Variants in FMNL2 observed in about 807,000 individuals in gnomAD.
The protein encoded by FMNL2 is formin-like protein 2.
FMNL2 carries 51 observed loss-of-function variants against 130.2 expected under a neutral mutation model. That is an observed-to-expected ratio of 0.39 (90% confidence interval 0.31 to 0.49). FMNL2 has a LOEUF of 0.49. Ranked by LOEUF, FMNL2 falls within the 20% of genes least tolerant of loss-of-function variation. FMNL2 has a pLI of 0.85. For synonymous variants in FMNL2, 465 were observed against 467.1 expected, an observed-to-expected ratio of 1.00 and a Z score of 0.06; for missense variants, 977 against 1,316.2, an observed-to-expected ratio of 0.74 and a Z score of 3.99.
chr2:152,564,367 AT>A (rs1320249502), intron 6 of FMNL2, among the ~76,000 whole-genome samples: 7 of 152,172 alleles, frequency 4.6e-5, no homozygotes, highest in Non-Finnish European at 8.8e-5. Context: ...AAGAAAAAAA[AT>A]GAGATTTCAG....
chr2:152,412,300 T>C (rs997395483), intron 1 of FMNL2, among the ~76,000 whole-genome samples: 12 of 151,766 alleles, frequency 7.9e-5, no homozygotes, highest in African/African-American at 2.7e-4. Context: ...AGATAGACTT[T>C]TTCCCTAGGG....
Position 152,580,975 on chromosome 2 carries a change from G to T in FMNL2, c.802G>T (p.Glu268Ter). 6.2e-7 allele frequency: 1 copy of T among 1,613,774 alleles called. No homozygotes were observed. Among genetic ancestry groups the T allele is most frequent in the Non-Finnish European group, 8.5e-7 (1 of 1,179,824 alleles). The change falls in exon 9 of 26, where the codon GAA (glutamate) becomes TAA (stop). Residue 268 changes from glutamate to a stop codon, truncating the protein, a stop_gained. Coordinates refer to ENST00000288670, the MANE Select transcript of FMNL2 (RefSeq NM_052905.4). LOFTEE classifies it high-confidence loss of function. ...TGGCAGAACAAAAGCCCTTGTCTTA[G>T]AACTGTTGGCAGCCGTTTGTCTTGT... is the stretch of plus-strand genomic sequence containing the variant. ...KNPRTKALVL[E>*]LLAAVCLVRG...
chr2:152,616,326 G>GTT (rs1559011668), intron 12 of FMNL2, among the ~76,000 whole-genome samples: 15 of 122,062 alleles, frequency 1.2e-4, no homozygotes, highest in Non-Finnish European at 1.7e-4. Context: ...TATTTTTGTG[G>GTT]GTTTTTTTTT....
In FMNL2 at chr2:152,486,096, AT is replaced by A. The variant is rs1328762485; in HGVS notation, c.118-35846del. Among the ~76,000 whole-genome samples, 4 of 152,212 alleles carry A rather than the reference AT, an allele frequency of 2.6e-5. No individual in the cohort carries two copies. The East Asian group carries it at 7.7e-4, about 29-fold the overall frequency. On this transcript the variant is annotated intron_variant, in intron 1 of 25. Transcript: ENST00000288670. ...ATAGCAACGGATCATGCTAGTCCCC[AT>A]GGTTACTGGGAACTGAGCTCAAGTG...
rs529195154 is a variant in FMNL2 at position 152,343,965 on chromosome 2, G to A, written c.117+8245G>A. On this transcript the variant is annotated intron_variant, in intron 1 of 25. Coordinates refer to ENST00000288670, the MANE Select transcript of FMNL2 (RefSeq NM_052905.4). ...GCCAGGAGTCCTAGACCAGTGTGGA[G>A]CAACATAGGGAGACCTCATTTCTAC... is the stretch of plus-strand genomic sequence containing the variant. Among the ~76,000 whole-genome samples the A allele has an allele frequency of 3.9e-5, 6 of 152,148 alleles. No homozygotes were observed. In the South Asian group the frequency reaches 1.2e-3, roughly 32 times the overall value.
intron 11 of FMNL2, 111 bp from the exon 12 acceptor site, chr2:152,614,740 C>CACAAAACAAA (rs1464132971): frequency 8.3e-6 from 6 of 723,904 alleles, no homozygotes; most frequent in African/African-American, 7.8e-5. Flanking sequence ...GAAACTCCAT[C>CACAAAACAAA]TCAAAACAAA....
intron 1 of FMNL2, among the ~76,000 whole-genome samples, chr2:152,343,546 T>C (rs1261222068): frequency 1.5e-5 from 2 of 136,596 alleles, no homozygotes; most frequent in Non-Finnish European, 1.6e-5. Flanking sequence ...TCCACCAGTC[T>C]TGACATCTCA....
intron 1 of FMNL2, among the ~76,000 whole-genome samples, chr2:152,417,700 A>G (rs1319092537): frequency 6.6e-6 from 1 of 152,132 alleles, no homozygotes; most frequent in Non-Finnish European, 1.5e-5. Context: ...CTCCTCTGAC[A>G]TGTAACTCAC....
chr2:152,645,196 C>CA (rs1683445367), intron 25 of FMNL2, among the ~76,000 whole-genome samples: 1 of 152,164 alleles, frequency 6.6e-6, no homozygotes, highest in Non-Finnish European at 1.5e-5. Flanking sequence ...TGGACTATAT[C>CA]TATCTTTCTG....
intron 1 of FMNL2, among the ~76,000 whole-genome samples, chr2:152,442,908 G>A (rs1022930130): frequency 1.3e-5 from 2 of 152,172 alleles, no homozygotes. Context: ...TAGAGCCTGA[G>A]AATTTGCATT....
At chr2:152,408,465 C>G (rs1686116977) in intron 1 of FMNL2, among the ~76,000 whole-genome samples, 1 of 152,138 alleles carries the variant, frequency 6.6e-6, no homozygotes, top group Admixed American at 6.5e-5. Flanking sequence ...GCTGGCTTAG[C>G]ATTTTCTTCC....
At chr2:152,382,744 AT>A (rs1395225398) in intron 1 of FMNL2, among the ~76,000 whole-genome samples, 1 of 152,230 alleles carries the variant, frequency 6.6e-6, no homozygotes, top group African/African-American at 2.4e-5. Context: ...ATATAAAAAA[AT>A]CACATACACC....
chr2:152,595,555 G>C (rs1697718048), intron 9 of FMNL2, among the ~76,000 whole-genome samples: 1 of 152,162 alleles, frequency 6.6e-6, no homozygotes. Flanking sequence ...CTGACCTCAA[G>C]TGATCTGCCT....
At chr2:152,594,514 A>G (rs1375981174) in intron 9 of FMNL2, among the ~76,000 whole-genome samples, 1 of 152,154 alleles carries the variant, frequency 6.6e-6, no homozygotes, top group East Asian at 1.9e-4. Context: ...CTCAAGTTTC[A>G]TTTCAAAAAT....
At chr2:152,645,901 C>T (rs770682611) in intron 25 of FMNL2, among the ~76,000 whole-genome samples, 1 of 152,138 alleles carries the variant, frequency 6.6e-6, no homozygotes, top group Non-Finnish European at 1.5e-5. Flanking sequence ...ACTAATTGCT[C>T]AGAGGATGAA....
intron 9 of FMNL2, among the ~76,000 whole-genome samples, chr2:152,606,362 T>G (rs183309244): frequency 1.3e-5 from 2 of 152,312 alleles, no homozygotes; most frequent in Non-Finnish European, 2.9e-5. Flanking sequence ...TATAGGACTT[T>G]GCCCCAAAAA....
rs762138591 is a variant in FMNL2 at position 152,487,582 on chromosome 2, A to G, written c.118-34361A>G. Among the ~76,000 whole-genome samples the G allele has an allele frequency of 2.1e-4, 32 of 152,214 alleles. 1 individual carries two copies. Among genetic ancestry groups the G allele is most frequent in the Admixed American group, 2.0e-3 (30 of 15,276 alleles). Reference sequence around the variant, plus strand: ...AACTTAAAAGTGGAACCAATTTCCAATGGTTTCTTCCCTTAGTTCTTGAGT... The same window carrying G: ...AACTTAAAAGTGGAACCAATTTCCAGTGGTTTCTTCCCTTAGTTCTTGAGT... On this transcript the variant is annotated intron_variant, in intron 1 of 25. Coordinates refer to ENST00000288670, the MANE Select transcript of FMNL2 (RefSeq NM_052905.4).
chr2:152,348,474 G>A (rs895665579), intron 1 of FMNL2, among the ~76,000 whole-genome samples: 1 of 152,184 alleles, frequency 6.6e-6, no homozygotes, highest in Non-Finnish European at 1.5e-5. Context: ...AATTGGAGTG[G>A]CTGCTCTGGA....
At chr2:152,523,788 T>G (rs764089882) in intron 2 of FMNL2, among the ~76,000 whole-genome samples, 14 of 152,232 alleles carry the variant, frequency 9.2e-5, no homozygotes, top group Non-Finnish European at 1.6e-4. Context: ...TCACTTTGTT[T>G]TGTAAGTATT....
Sources: gnomAD v4.1 joint callset for allele counts (sites outside exome capture counted in the v4.1 genomes callset) on GRCh38, gnomAD v4.1.1 for gene constraint, MANE v1.5 for transcripts, NCBI Gene and HGNC (gene_info 2026-07-23, HGNC 2026-07-21) for gene names.